Variants in CCSER1 observed in about 807,000 individuals in gnomAD.
CCSER1 encodes serine-rich coiled-coil domain-containing protein 1.
A neutral mutation model predicts 82.0 loss-of-function variants in CCSER1; 41 were observed. The ratio of observed to expected loss-of-function variants is 0.50; its 90% CI spans 0.39 to 0.65. The LOEUF (loss-of-function observed/expected upper bound fraction) is 0.65, where lower values mean the gene tolerates loss of function less well. CCSER1 is among the 30% of genes least tolerant of loss of function. The pLI, the probability that CCSER1 is intolerant of heterozygous loss-of-function variation, is 0.00. For missense variants in CCSER1, 1,119 were observed against 1,064.2 expected, an observed-to-expected ratio of 1.05 and a Z score of -0.72; for synonymous variants, 414 against 383.9, an observed-to-expected ratio of 1.08 and a Z score of -0.92.
chr4:90,880,863 C>T (rs1415029817), intron 8 of CCSER1, among the ~76,000 whole-genome samples: 4 of 151,876 alleles, frequency 2.6e-5, no homozygotes, highest in South Asian at 2.1e-4. Flanking sequence ...CTGCGTGGGC[C>T]GTCATCCTGC....
At chr4:90,571,483 T>A (rs1483472462) in intron 5 of CCSER1, among the ~76,000 whole-genome samples, 1 of 152,090 alleles carries the variant, frequency 6.6e-6, no homozygotes, top group Non-Finnish European at 1.5e-5. Flanking sequence ...CCTAAGAAGA[T>A]TAATGCAGAA....
intron 8 of CCSER1, among the ~76,000 whole-genome samples, chr4:90,855,636 T>C (rs1764376000): frequency 6.6e-6 from 1 of 152,160 alleles, no homozygotes; most frequent in African/African-American, 2.4e-5. Flanking sequence ...CTTTTAACTC[T>C]AAAGTGTGTT....
intron 10 of CCSER1, among the ~76,000 whole-genome samples, chr4:91,306,462 G>A (rs1310497424): frequency 1.3e-5 from 2 of 151,972 alleles, no homozygotes; most frequent in Non-Finnish European, 2.9e-5. Flanking sequence ...AATAGCAAAT[G>A]TTTTCCTCAG....
In CCSER1 at chr4:91,224,698, C is replaced by T. The variant is rs377484466; in HGVS notation, c.2217+138704C>T. 3.5e-4 allele frequency among the ~76,000 whole-genome samples: 54 copies of T among 152,136 alleles called. No individual in the cohort carries two copies. In the East Asian group the frequency reaches 6.6e-3, roughly 18 times the overall value. On this transcript the variant is annotated intron_variant, in intron 10 of 10. Coordinates refer to ENST00000509176, the MANE Select transcript of CCSER1 (RefSeq NM_001145065.2). ...TTTTGAACATTACATTCCAAATATA[C>T]ACTAACATCTCCCTTTATAAATGTG...
intron 10 of CCSER1, among the ~76,000 whole-genome samples, chr4:91,523,048 A>G (rs1180123268): frequency 2.0e-5 from 3 of 152,158 alleles, no homozygotes; most frequent in Non-Finnish European, 4.4e-5. Flanking sequence ...GATATGTTCC[A>G]TCAATATCTA....
chr4:90,257,833 C>T (rs901804676), intron 1 of CCSER1, among the ~76,000 whole-genome samples: 14 of 152,128 alleles, frequency 9.2e-5, no homozygotes, highest in Non-Finnish European at 1.6e-4. Context: ...TTCCCCCTGA[C>T]TCAGCCTTTT....
chr4:90,363,087 A>C (rs1440346845), intron 3 of CCSER1, among the ~76,000 whole-genome samples: 1 of 152,146 alleles, frequency 6.6e-6, no homozygotes, highest in African/African-American at 2.4e-5. Context: ...CCTCTTTTAC[A>C]TTATAGAAAG....
chr4:90,487,944 C>G (rs1213590306), intron 5 of CCSER1, among the ~76,000 whole-genome samples: 1 of 152,134 alleles, frequency 6.6e-6, no homozygotes. Flanking sequence ...CTGGCTTAAT[C>G]TAGTGTTTTA....
chr4:90,699,537 G>A (rs560434794), intron 6 of CCSER1, among the ~76,000 whole-genome samples: 3 of 152,280 alleles, frequency 2.0e-5, no homozygotes, highest in Admixed American at 1.3e-4. Context: ...TATTGTGGGG[G>A]AGGTTCTGCT....
chr4:91,133,735 C>A (rs1205372983), intron 10 of CCSER1, among the ~76,000 whole-genome samples: 1 of 152,120 alleles, frequency 6.6e-6, no homozygotes, highest in African/African-American at 2.4e-5. Context: ...AACAACAGGG[C>A]TCTTGGAATA....
chr4:90,974,875 C>T (rs1379927343), intron 9 of CCSER1, among the ~76,000 whole-genome samples: 1 of 151,218 alleles, frequency 6.6e-6, no homozygotes, highest in Non-Finnish European at 1.5e-5. Context: ...AGTGTATACC[C>T]AATATATAAA....
chr4:90,789,907 T>C (rs1755008947), intron 7 of CCSER1, among the ~76,000 whole-genome samples: 1 of 152,166 alleles, frequency 6.6e-6, no homozygotes, highest in Admixed American at 6.6e-5. Context: ...TAAGGAACAT[T>C]TCAATTGAAC....
chr4:90,535,732 T>C (rs1413468269), intron 5 of CCSER1, among the ~76,000 whole-genome samples: 1 of 152,170 alleles, frequency 6.6e-6, no homozygotes, highest in African/African-American at 2.4e-5. Context: ...ACTTTTTTTT[T>C]CTTTGTATGT....
intron 10 of CCSER1, among the ~76,000 whole-genome samples, chr4:91,501,902 G>T (rs1289759096): frequency 6.6e-6 from 1 of 152,080 alleles, no homozygotes; most frequent in Non-Finnish European, 1.5e-5. Flanking sequence ...ATAATAACTG[G>T]TTCTTAAGTA....
At chr4:91,508,705 A>G (rs774697617) in intron 10 of CCSER1, among the ~76,000 whole-genome samples, 9 of 151,980 alleles carry the variant, frequency 5.9e-5, no homozygotes, top group Non-Finnish European at 1.3e-4. Flanking sequence ...GAATATTTCA[A>G]TGAATTCACC....
chr4:91,123,095 G>T (rs1476745414), intron 10 of CCSER1, among the ~76,000 whole-genome samples: 1 of 151,616 alleles, frequency 6.6e-6, no homozygotes, highest in African/African-American at 2.4e-5. Flanking sequence ...CTTGTTCAAT[G>T]ATACCTTTTT....
At chr4:90,459,153 T>C (rs1762554184) in intron 4 of CCSER1, among the ~76,000 whole-genome samples, 1 of 152,198 alleles carries the variant, frequency 6.6e-6, no homozygotes, top group Non-Finnish European at 1.5e-5. Flanking sequence ...CTTACAACTA[T>C]ACACGATCTA....
chr4:90,986,165 A>G (rs1369423438), intron 9 of CCSER1, among the ~76,000 whole-genome samples: 1 of 151,742 alleles, frequency 6.6e-6, no homozygotes, highest in Admixed American at 6.6e-5. Context: ...AAATCAAAGT[A>G]TGTGCACCAC....
intron 9 of CCSER1, among the ~76,000 whole-genome samples, chr4:91,045,346 TG>T (rs1742357238): frequency 6.6e-6 from 1 of 152,222 alleles, no homozygotes; most frequent in Admixed American, 6.5e-5. Context: ...AAAATTCCTT[TG>T]TGTTTTATGT....
Sources: gnomAD v4.1 joint callset for allele counts (sites outside exome capture counted in the v4.1 genomes callset) on GRCh38, gnomAD v4.1.1 for gene constraint, MANE v1.5 for transcripts, NCBI Gene and HGNC (gene_info 2026-07-23, HGNC 2026-07-21) for gene names.